Variants in TJP2 observed in about 807,000 individuals in gnomAD.
TJP2 encodes tight junction protein 2, also known as Friedreich ataxia region gene X104 (tight junction protein ZO-2).
In TJP2, 91 loss-of-function variants were observed where a neutral mutation model predicts 133.1. The ratio of observed to expected loss-of-function variants is 0.68; its 90% CI spans 0.58 to 0.81. The LOEUF is 0.81. TJP2 is among the 40% of genes least tolerant of loss of function. The pLI is 0.00. For missense variants in TJP2, 1,541 were observed against 1,565.6 expected (o/e 0.98, Z 0.26); for synonymous variants, 592 against 583.4 (o/e 1.01, Z -0.21).
At chr9:69,225,948 A>T in intron 6 of TJP2, 74 bp from the exon 7 acceptor site, 8 of 1,526,338 alleles carry the variant, frequency 5.2e-6, no homozygotes, top group Non-Finnish European at 7.2e-6. Context: ...TTACATTTTT[A>T]GAAGGGGAAA....
chr9:69,129,102 C>G (rs1434354080), intron 1 of TJP2, among the ~76,000 whole-genome samples: 1 of 152,210 alleles, frequency 6.6e-6, no homozygotes, highest in Admixed American at 6.5e-5. Flanking sequence ...CAGGGACTTA[C>G]TATTCTACCT....
At chr9:69,248,543 GT>G (rs1166802378) in intron 19 of TJP2, 2 of 1,264,714 alleles carry the variant, frequency 1.6e-6, no homozygotes, top group African/African-American at 3.0e-5. Flanking sequence ...ATGCAGTATT[GT>G]TGTATGTACT....
intron 13 of TJP2, 23 bp downstream of exon 13, chr9:69,236,261 A>G (rs1455558647): frequency 3.1e-6 from 5 of 1,611,902 alleles, no homozygotes; most frequent in Non-Finnish European, 3.4e-6. Context: ...GCATTCTCAC[A>G]TACCCCTTTT....
At chr9:69,151,109 CAG>C (rs1226135000) in intron 1 of TJP2, among the ~76,000 whole-genome samples, 1 of 152,086 alleles carries the variant, frequency 6.6e-6, no homozygotes, top group African/African-American at 2.4e-5. Flanking sequence ...GGCCAAGAGG[CAG>C]AGAGAGAATT....
Position 69,225,291 on chromosome 9 carries a change from G to C in TJP2, c.953-13G>C. On this transcript the variant is annotated splice_polypyrimidine_tract_variant and intron_variant, in intron 5 of 22. Transcript: ENST00000377245. ...TGATAACATACGTGTATGTTTATGT[G>C]TTTGTCTCCTAGAGTATGGTCTCCG... 6.4e-7 allele frequency: 1 copy of C among 1,567,548 alleles called. No individual in the cohort carries two copies. The highest frequency in any genetic ancestry group is 1.1e-5 in the South Asian group (1 of 89,830).
intron 1 of TJP2, among the ~76,000 whole-genome samples, chr9:69,134,512 G>C (rs1002247347): frequency 1.3e-5 from 2 of 152,192 alleles, no homozygotes; most frequent in South Asian, 4.1e-4. Context: ...CACACCTGGA[G>C]AGCTAGGAGG....
At chr9:69,236,277 T>A in intron 13 of TJP2, 39 bp downstream of exon 13, 1 of 1,604,658 alleles carries the variant, frequency 6.2e-7, no homozygotes, top group Non-Finnish European at 8.5e-7. Flanking sequence ...CTTTTAATCC[T>A]TCCCCCTGCA....
Position 69,185,881 on chromosome 9 carries a change from C to CTT in TJP2, c.60+11463_60+11464dup, listed in dbSNP as rs34030534. 2.9e-3 allele frequency among the ~76,000 whole-genome samples: 391 copies of CTT among 135,358 alleles called. 3 individuals carry two copies. Among genetic ancestry groups the CTT allele is most frequent in the Admixed American group, 3.9e-3 (54 of 13,692 alleles). 88.8% of individuals were successfully genotyped at this position (135,358 alleles called of 152,430 possible). ...ATGAAACATGAGCTATAATGTAGTC[C>CTT]TTTTTTTTTTTTTTTCTTTTTTTGG... On this transcript the variant is annotated intron_variant, in intron 1 of 22. Coordinates refer to ENST00000377245, the MANE Select transcript of TJP2 (RefSeq NM_004817.4).
At chr9:69,203,648 C>G (rs1262885447) in intron 1 of TJP2, among the ~76,000 whole-genome samples, 2 of 112,758 alleles carry the variant, frequency 1.8e-5, no homozygotes, top group African/African-American at 6.7e-5. Context: ...GGGTCTCGCT[C>G]TATGGCCCAG....
At chr9:69,240,807 G>A (rs56108867) in intron 17 of TJP2, among the ~76,000 whole-genome samples, 16,388 of 139,880 alleles carry the variant, frequency 0.12, 934 homozygotes, top group South Asian at 0.15. Flanking sequence ...TCTCTTCAAA[G>A]AAAAAAAAAA....
At chr9:69,240,947 A>G (rs1319890319) in intron 17 of TJP2, among the ~76,000 whole-genome samples, 1 of 152,180 alleles carries the variant, frequency 6.6e-6, no homozygotes, top group African/African-American at 2.4e-5. Context: ...ACTAAATAAA[A>G]TATTTATGGT....
chr9:69,193,474 C>T (rs1412329992), intron 1 of TJP2, among the ~76,000 whole-genome samples: 1 of 148,284 alleles, frequency 6.7e-6, no homozygotes, highest in Non-Finnish European at 1.5e-5. Context: ...TAGGCAAGTA[C>T]GGACTTTTTG....
At chr9:69,168,800 C>CAA (rs71507119) in intron 2 of TJP2, among the ~76,000 whole-genome samples, 2 of 136,836 alleles carry the variant, frequency 1.5e-5, no homozygotes, top group South Asian at 4.8e-4. Flanking sequence ...GAAACTGTCT[C>CAA]AAAAAAAAAA....
At chr9:69,210,968 T>A (rs1245411133) in intron 1 of TJP2, among the ~76,000 whole-genome samples, 2 of 152,142 alleles carry the variant, frequency 1.3e-5, no homozygotes, top group Non-Finnish European at 2.9e-5. Flanking sequence ...GCTCAAGCGA[T>A]CCTCTCGCTT....
At chr9:69,205,406 A>T in intron 1 of TJP2, 1 of 1,350,166 alleles carries the variant, frequency 7.4e-7, no homozygotes, top group Non-Finnish European at 9.8e-7. Flanking sequence ...GTGGGTTTTT[A>T]AAAATACTTG....
intron 17 of TJP2, among the ~76,000 whole-genome samples, chr9:69,241,530 A>G (rs982562307): frequency 3.3e-5 from 5 of 152,222 alleles, no homozygotes; most frequent in African/African-American, 4.8e-5. Context: ...GAGGTGCACT[A>G]CTTGCCACTG....
At chr9:69,215,869 C>T (rs144497653) in intron 2 of TJP2, among the ~76,000 whole-genome samples, 68 of 152,248 alleles carry the variant, frequency 4.5e-4, no homozygotes, top group African/African-American at 1.5e-3. Context: ...CACCGCTGCA[C>T]TCCAGCCTAG....
At chr9:69,197,263 A>T (rs561257613) in intron 1 of TJP2, among the ~76,000 whole-genome samples, 2 of 152,118 alleles carry the variant, frequency 1.3e-5, no homozygotes, top group African/African-American at 4.8e-5. Context: ...GGCCCTGCTT[A>T]TATTATTTTT....
At chr9:69,250,882 C>T (rs1043573130) in intron 20 of TJP2, among the ~76,000 whole-genome samples, 153 bp from the exon 21 acceptor site, 1 of 152,174 alleles carries the variant, frequency 6.6e-6, no homozygotes, top group East Asian at 1.9e-4. Context: ...TGGCCAGTGG[C>T]TGTTTGCCCT....
Sources: allele counts gnomAD v4.1 joint callset (sites outside exome capture counted in the v4.1 genomes callset), GRCh38; gene constraint gnomAD v4.1.1; transcripts MANE v1.5; gene names NCBI Gene and HGNC (gene_info 2026-07-23, HGNC 2026-07-21).